Variants in HMGXB4 observed in about 807,000 individuals in gnomAD.
The protein encoded by HMGXB4 is HMG-box containing 4, also known as HMG domain-containing protein 4.
In HMGXB4, 27 loss-of-function variants were observed where a neutral mutation model predicts 63.9. The observed-to-expected ratio is 0.42, with a 90% confidence interval of 0.31 to 0.58. HMGXB4 has a LOEUF of 0.58. Ranked by LOEUF, HMGXB4 falls within the 20% of genes least tolerant of loss-of-function variation. The pLI, the probability that HMGXB4 is intolerant of heterozygous loss-of-function variation, is 0.13. For synonymous variants in HMGXB4, 264 were observed against 265.3 expected (o/e 0.99, Z 0.05); for missense variants, 624 against 700.7 (o/e 0.89, Z 1.24).
rs767728221 is a variant in HMGXB4, at chr22:35,265,207, G to C, written c.819G>C (p.Gln273His). Residue 273 changes from glutamine to histidine, a missense_variant, in exon 5 of 11, where the codon CAG (glutamine) becomes CAC (histidine). Gln to His is a conservative substitution (Grantham distance 24). This residue lies in a region of HMGXB4 where 472 missense variants were observed against 470.6 expected (regional missense o/e 1.00). Transcript: ENST00000216106. The stretch of plus-strand genomic sequence containing the variant: ...AAGGCTGTGGGTCTGACGCCTCCCA[G>C]TTCGCAGAGTCCCACAGTGCTAACC... ...GPEGCGSDASQFAESHSANLD... is the reference protein window; with the variant it reads ...GPEGCGSDASHFAESHSANLD... The C allele has an allele frequency of 6.2e-7, 1 of 1,614,120 alleles. No homozygotes were observed. Among genetic ancestry groups the C allele is most frequent in the Non-Finnish European group, 8.5e-7 (1 of 1,180,024 alleles).
intron 5 of HMGXB4, among the ~76,000 whole-genome samples, chr22:35,267,413 G>T (rs1923331271): frequency 6.6e-6 from 1 of 152,158 alleles, no homozygotes; most frequent in African/African-American, 2.4e-5. Context: ...TAATCATCCA[G>T]TGCTGAATGT....
intron 1 of HMGXB4, among the ~76,000 whole-genome samples, chr22:35,258,774 G>A (rs987895667): frequency 6.6e-6 from 1 of 152,224 alleles, no homozygotes; most frequent in African/African-American, 2.4e-5. Flanking sequence ...TGCACTGACT[G>A]GCATTTTGAG....
At chr22:35,262,577 G>C (rs1184736372) in intron 2 of HMGXB4, among the ~76,000 whole-genome samples, 156 bp downstream of exon 2, 3 of 152,102 alleles carry the variant, frequency 2.0e-5, no homozygotes, top group Non-Finnish European at 4.4e-5. Flanking sequence ...GCCATCCCCA[G>C]ACTGGGCCCA....
chr22:35,262,386 C>T lies in HMGXB4; in HGVS notation c.-5C>T, dbSNP rs148351517. ...ACACATTCTCAAAGGCCCTGCAGGA[C>T]CACCATGGCTTATGATGACTCCGTG... On this transcript the variant is annotated 5_prime_UTR_variant, in exon 2 of 11. Coordinates refer to ENST00000216106, the MANE Select transcript of HMGXB4 (RefSeq NM_001003681.3). 0.013 allele frequency: 20,197 copies of T among 1,613,636 alleles called. 220 individuals are homozygous for T. Among genetic ancestry groups the T allele is most frequent in the South Asian group, 0.033 (2,970 of 91,062 alleles).
rs532810394 is a variant in HMGXB4, at chr22:35,273,396, G to A, written c.1215+7793G>A. On this transcript the variant is annotated intron_variant, in intron 5 of 10. Coordinates refer to ENST00000216106, the MANE Select transcript of HMGXB4 (RefSeq NM_001003681.3). ...TCAGCAGACTTGGATTCTTACTCTG[G>A]TCTGCCACTTACTAGGTCTGTTCTC... is the stretch of plus-strand genomic sequence containing the variant. 2.6e-5 allele frequency among the ~76,000 whole-genome samples: 4 copies of A among 152,226 alleles called. No homozygotes were observed. The South Asian group carries it at 8.3e-4, about 32-fold the overall frequency.
chr22:35,287,805 G>A (rs1423561075), intron 8 of HMGXB4, among the ~76,000 whole-genome samples: 2 of 152,158 alleles, frequency 1.3e-5, no homozygotes, highest in East Asian at 1.9e-4. Context: ...AAAATTAGCC[G>A]GGCGTGGTGG....
chr22:35,267,809 A>G (rs746466885), intron 5 of HMGXB4, among the ~76,000 whole-genome samples: 99 of 152,358 alleles, frequency 6.5e-4, no homozygotes, highest in Non-Finnish European at 1.3e-3. Flanking sequence ...TTGCTTTATC[A>G]TATACCTGCC....
chr22:35,284,119 T>G lies in HMGXB4; in HGVS notation c.1297+76T>G. The stretch of plus-strand genomic sequence containing the variant: ...AGCAGTGCGATTAATTTCTTCTTCC[T>G]GTAGCATTAGAGCATAAATCTTGTT... On this transcript the variant is annotated intron_variant, in intron 6 of 10. Coordinates refer to ENST00000216106, the MANE Select transcript of HMGXB4 (RefSeq NM_001003681.3). 3.0e-6 allele frequency: 3 copies of G among 1,013,770 alleles called. No individual in the cohort carries two copies. In the South Asian group the frequency reaches 4.0e-5, roughly 13 times the overall value. 62.8% of individuals were successfully genotyped at this position (1,013,770 alleles called of 1,614,324 possible).
chr22:35,270,720 A>T (rs1425542513), intron 5 of HMGXB4, among the ~76,000 whole-genome samples: 1 of 152,262 alleles, frequency 6.6e-6, no homozygotes, highest in Non-Finnish European at 1.5e-5. Flanking sequence ...CCATGTGGCT[A>T]GCAGTTGCTA....
At chr22:35,289,914 G>A (rs1924824418) in intron 9 of HMGXB4, among the ~76,000 whole-genome samples, 2 of 152,198 alleles carry the variant, frequency 1.3e-5, no homozygotes, top group African/African-American at 4.8e-5. Flanking sequence ...TTTAAGCTAA[G>A]AAATTAGTGT....
At position 35,292,939 on chromosome 22, in the gene HMGXB4, C is replaced by A. The variant is rs748391335; in HGVS notation, c.1639-53C>A. 73 of 1,611,666 alleles carry A rather than the reference C, an allele frequency of 4.5e-5. No homozygotes were observed. The East Asian group carries it at 1.6e-3, about 35-fold the overall frequency. ...TAAAGTACTGTGTGAGGAAGTCAGC[C>A]GGAACACAGCATCAGGAGTGTGACT... is the stretch of plus-strand genomic sequence containing the variant. On this transcript the variant is annotated intron_variant, in intron 9 of 10. Transcript: ENST00000216106.
At chr22:35,281,800 TAACA>T (rs1211209419) in intron 5 of HMGXB4, among the ~76,000 whole-genome samples, 3 of 152,228 alleles carry the variant, frequency 2.0e-5, no homozygotes, top group African/African-American at 7.2e-5. Flanking sequence ...GTATGAAATT[TAACA>T]AACATACCAC....
chr22:35,263,482 C>A (rs990301811), intron 3 of HMGXB4, among the ~76,000 whole-genome samples: 1 of 151,976 alleles, frequency 6.6e-6, no homozygotes, highest in Non-Finnish European at 1.5e-5. Flanking sequence ...AGGGTTTCAC[C>A]ATGTTGGCCA....
chr22:35,259,371 T>C (rs890643550), intron 1 of HMGXB4, among the ~76,000 whole-genome samples: 1 of 152,230 alleles, frequency 6.6e-6, no homozygotes, highest in African/African-American at 2.4e-5. Context: ...TGAGACTGGG[T>C]TTTAACACCT....
At chr22:35,288,474 T>C in intron 9 of HMGXB4, 67 bp downstream of exon 9, 1 of 1,299,194 alleles carries the variant, frequency 7.7e-7, no homozygotes, top group Admixed American at 2.7e-5. Context: ...TTTGATTCAT[T>C]CACTCATTTT....
At chr22:35,242,460 CTTA>C in the HMGXB4 span, among the ~76,000 whole-genome samples, 1 of 151,818 alleles carries the variant, frequency 6.6e-6, no homozygotes, top group African/African-American at 2.4e-5. Flanking sequence ...AAAATACTCC[CTTA>C]TTATTCTTTT....
At chr22:35,253,849 C>T (rs967584742), upstream of HMGXB4, among the ~76,000 whole-genome samples, 1 of 152,008 alleles carries the variant, frequency 6.6e-6, no homozygotes, top group African/African-American at 2.4e-5. Context: ...TTGTTTTTTA[C>T]ATGAGTTACA....
intron 9 of HMGXB4, among the ~76,000 whole-genome samples, chr22:35,290,227 T>C (rs567379641): frequency 6.6e-6 from 1 of 152,340 alleles, no homozygotes; most frequent in East Asian, 1.9e-4. Flanking sequence ...TCCCAGATAT[T>C]TCCATTTAGT....
At chr22:35,290,550 G>A (rs921168362) in intron 9 of HMGXB4, among the ~76,000 whole-genome samples, 31 of 145,672 alleles carry the variant, frequency 2.1e-4, no homozygotes, top group African/African-American at 7.5e-4. Context: ...AGAATGGCGT[G>A]AACCCAGGAG....
Sources: gnomAD v4.1 joint callset for allele counts (sites outside exome capture counted in the v4.1 genomes callset) on GRCh38, gnomAD v4.1.1 for gene constraint, gnomAD v4.1.1 regional missense constraint, MANE v1.5 for transcripts, NCBI Gene and HGNC (gene_info 2026-07-23, HGNC 2026-07-21) for gene names.